WDR17: variants seen among roughly 807,000 people sequenced by gnomAD.
The protein encoded by WDR17 is WD repeat-containing protein 17.
In WDR17, 143 loss-of-function variants were observed where a neutral mutation model predicts 161.7. The ratio of observed to expected loss-of-function variants is 0.88; its 90% CI spans 0.77 to 1.02. The LOEUF is 1.02. Among genes scored for constraint, WDR17 ranks in the 50% least tolerant of loss-of-function variants. The pLI is 0.00. For synonymous variants in WDR17, 517 were observed against 515.6 expected, an observed-to-expected ratio of 1.00 and a Z score of -0.04; for missense variants, 1,469 against 1,520.9, an observed-to-expected ratio of 0.97 and a Z score of 0.57.
chr4:176,092,623 T>C (rs1190820555), intron 1 of WDR17, among the ~76,000 whole-genome samples: 1 of 152,214 alleles, frequency 6.6e-6, no homozygotes, highest in Non-Finnish European at 1.5e-5. Flanking sequence ...TATGATCTTA[T>C]ATTTAGGAAA....
rs373609020 is a variant in WDR17, at chr4:176,163,248, A to G, written c.2945A>G (p.Tyr982Cys). Residue 982 changes from tyrosine (Y) to cysteine (C), a missense_variant, in exon 22 of 29, where the codon TAT (tyrosine) becomes TGT (cysteine). By Grantham distance (194) the Tyr-to-Cys change is radical. Coordinates refer to ENST00000508596, the MANE Select transcript of WDR17 (RefSeq NM_181265.4). ...GAGTCTGCAGCACCAGCAACCCACTATGCCTTAGAATTACTGGCGAGAAAG... is the reference window on the plus strand; with the variant it reads ...GAGTCTGCAGCACCAGCAACCCACTGTGCCTTAGAATTACTGGCGAGAAAG... ...LGESAAPATH[Y>C]ALELLARKCM... is the part of the protein sequence containing the mutation. 49 of 1,612,752 alleles carry G rather than the reference A, an allele frequency of 3.0e-5. No homozygotes were observed. The African/African-American group carries it at 5.7e-4, about 19-fold the overall frequency.
chr4:176,158,474 A>G (rs920662877), intron 18 of WDR17, among the ~76,000 whole-genome samples: 1 of 152,214 alleles, frequency 6.6e-6, no homozygotes, highest in Non-Finnish European at 1.5e-5. Flanking sequence ...AACAACAACA[A>G]CAGCAAAACC....
chr4:176,070,045 A>G (rs1231919028), intron 1 of WDR17, among the ~76,000 whole-genome samples: 1 of 152,176 alleles, frequency 6.6e-6, no homozygotes, highest in Non-Finnish European at 1.5e-5. Context: ...TTACTCTAAC[A>G]CCGTTATTCT....
intron 26 of WDR17, among the ~76,000 whole-genome samples, chr4:176,176,569 A>G (rs533283711): frequency 5.3e-5 from 8 of 152,196 alleles, no homozygotes; most frequent in African/African-American, 7.2e-5. Flanking sequence ...ATATTCAGGC[A>G]TAGCGTACTC....
chr4:176,093,569 C>A (rs1465744091), intron 1 of WDR17, among the ~76,000 whole-genome samples: 1 of 151,570 alleles, frequency 6.6e-6, no homozygotes, highest in Non-Finnish European at 1.5e-5. Context: ...TAAGAATTTT[C>A]TGACTAAAAT....
At chr4:176,075,833 G>A (rs900686792) in intron 1 of WDR17, among the ~76,000 whole-genome samples, 2 of 151,846 alleles carry the variant, frequency 1.3e-5, no homozygotes, top group African/African-American at 4.8e-5. Context: ...AAAGAAATTA[G>A]CCAGGAGTGT....
intron 1 of WDR17, among the ~76,000 whole-genome samples, chr4:176,084,224 G>A (rs1468518081): frequency 3.9e-5 from 6 of 152,086 alleles, no homozygotes; most frequent in Admixed American, 2.6e-4. Flanking sequence ...TGATTCTAAT[G>A]TCTGGAAAAG....
intron 11 of WDR17, 120 bp downstream of exon 11, chr4:176,142,189 T>A: frequency 1.6e-6 from 1 of 620,734 alleles, no homozygotes; most frequent in Non-Finnish European, 2.6e-6. Flanking sequence ...AATATCCCCT[T>A]TGCCTAGCAA....
chr4:176,159,454 C>T (rs538742484), intron 18 of WDR17, among the ~76,000 whole-genome samples: 14 of 152,232 alleles, frequency 9.2e-5, no homozygotes, highest in African/African-American at 3.1e-4. Context: ...ATGTCTGGAA[C>T]ATTATTTTCC....
chr4:176,131,675 C>G lies in WDR17; in HGVS notation c.1035C>G (p.Phe345Leu). 6.2e-7 allele frequency: 1 copy of G among 1,613,540 alleles called. No individual in the cohort carries two copies. Among genetic ancestry groups the G allele is most frequent in the Non-Finnish European group, 8.5e-7 (1 of 1,179,724 alleles). Reference sequence around the variant, plus strand: ...CTCCTGGTCATGCAGTGTGTTGTTTCTTGGATGGTGGAGTTGGACTTTATG... The same window carrying G: ...CTCCTGGTCATGCAGTGTGTTGTTTGTTGGATGGTGGAGTTGGACTTTATG... The part of the protein sequence containing the change: ...SLPPGHAVCC[F>L]LDGGVGLYDM... The change falls in exon 7 of 29, where the codon TTC (phenylalanine) becomes TTG (leucine). Residue 345 changes from phenylalanine to leucine, a missense_variant. Coordinates refer to ENST00000508596, the MANE Select transcript of WDR17 (RefSeq NM_181265.4).
chr4:176,173,451 G>T, intron 25 of WDR17, 82 bp downstream of exon 25: 1 of 848,124 alleles, frequency 1.2e-6, no homozygotes, highest in Non-Finnish European at 1.9e-6. Context: ...TATTCAGATC[G>T]GGAAATAGGA....
chr4:176,134,386 A>G (rs753036102), intron 7 of WDR17, among the ~76,000 whole-genome samples: 8 of 151,720 alleles, frequency 5.3e-5, no homozygotes, highest in Non-Finnish European at 1.0e-4. Context: ...AATTCCGGCT[A>G]TTTATGTTGG....
At chr4:176,074,810 C>CTTTTTTTTTTT (rs386357678) in intron 1 of WDR17, among the ~76,000 whole-genome samples, 57 of 79,172 alleles carry the variant, frequency 7.2e-4, no homozygotes, top group East Asian at 1.8e-3. Context: ...TTTTTTAATG[C>CTTTTTTTTTTT]TTTTTTTTTT....
chr4:176,146,783 A>G (rs542759670), intron 12 of WDR17, among the ~76,000 whole-genome samples: 4 of 152,204 alleles, frequency 2.6e-5, no homozygotes, highest in Non-Finnish European at 5.9e-5. Flanking sequence ...GTTAGCATAT[A>G]TAAGAAATTA....
chr4:176,114,004 A>G (rs183521359), intron 2 of WDR17, among the ~76,000 whole-genome samples: 15 of 152,126 alleles, frequency 9.9e-5, no homozygotes, highest in East Asian at 5.8e-4. Flanking sequence ...AGTGTTCTCT[A>G]GTGTGCTTAC....
At chr4:176,172,048 T>C (rs1306281778) in intron 23 of WDR17, among the ~76,000 whole-genome samples, 2 of 152,176 alleles carry the variant, frequency 1.3e-5, no homozygotes, top group Non-Finnish European at 2.9e-5. Flanking sequence ...CTAACATAAT[T>C]AATTTCATCA....
intron 11 of WDR17, among the ~76,000 whole-genome samples, chr4:176,145,334 G>A (rs1159508949): frequency 6.6e-6 from 1 of 152,132 alleles, no homozygotes; most frequent in Non-Finnish European, 1.5e-5. Context: ...ACTATTGTGA[G>A]AATACTGAGC....
At chr4:176,162,293 C>A in intron 21 of WDR17, 119 bp downstream of exon 21, 2 of 795,950 alleles carry the variant, frequency 2.5e-6, no homozygotes, top group Non-Finnish European at 3.9e-6. Flanking sequence ...TCTTCGAAGC[C>A]TGAGTAATTA....
At chr4:176,076,179 C>T (rs60796215) in intron 1 of WDR17, among the ~76,000 whole-genome samples, 78,102 of 145,412 alleles carry the variant, frequency 0.54, 22,177 homozygotes, top group South Asian at 0.64. Context: ...TTAATATACC[C>T]AGGTATGGAT....
Sources: gnomAD v4.1 joint callset for allele counts (sites outside exome capture counted in the v4.1 genomes callset) on GRCh38, gnomAD v4.1.1 for gene constraint, MANE v1.5 for transcripts, NCBI Gene and HGNC (gene_info 2026-07-23, HGNC 2026-07-21) for gene names.